Variants in CHRDL1 observed in about 807,000 individuals in gnomAD.
CHRDL1 encodes the protein chordin like 1.
CHRDL1 carries 19 observed loss-of-function variants against 40.9 expected under a neutral mutation model. The ratio of observed to expected loss-of-function variants is 0.46; its 90% CI spans 0.32 to 0.68. The LOEUF is 0.68. CHRDL1 is among the 30% of genes least tolerant of loss of function. CHRDL1 has a pLI of 0.03. For missense variants in CHRDL1, 329 were observed against 352.1 expected (o/e 0.93, Z 0.53); for synonymous variants, 136 against 123.4 (o/e 1.10, Z -0.68).
intron 8 of CHRDL1, among the ~76,000 whole-genome samples, chrX:110,690,119 C>T (rs1289637540): frequency 2.0e-5 from 2 of 98,626 alleles, no homozygotes; most frequent in East Asian, 5.9e-4. Context: ...TATCTCGGCT[C>T]ACTGCAAGCT....
chrX:110,716,917 C>G (rs1379104697), intron 6 of CHRDL1, among the ~76,000 whole-genome samples: 1 of 111,598 alleles, frequency 9.0e-6, no homozygotes, highest in Non-Finnish European at 1.9e-5. Flanking sequence ...ATGAAATGGC[C>G]ACCACTCATT....
At position 110,770,544 on chromosome X, in the gene CHRDL1, T is replaced by C. The variant is rs562959848; in HGVS notation, c.95-7737A>G. Among the ~76,000 whole-genome samples, 28 of 110,714 alleles carry C rather than the reference T, an allele frequency of 2.5e-4. 1 individual carries two copies. In the South Asian group the frequency reaches 0.01, roughly 41 times the overall value. On this transcript the variant is annotated intron_variant, in intron 2 of 11. Coordinates refer to ENST00000372042, the MANE Select transcript of CHRDL1 (RefSeq NM_001143981.2). ...TAGAATAATAAAGAGCAGAAATCAA[T>C]GAAATTGAAGACAGAAAGTCAATAA...
intron 8 of CHRDL1, 132 bp from the exon 9 acceptor site, chrX:110,688,935 TACCGAGTAGTATCTGTG>T: frequency 2.0e-6 from 1 of 491,080 alleles, no homozygotes; most frequent in Non-Finnish European, 3.4e-6. Flanking sequence ...GGGCTATGTT[TACCGAGTAGTATCTGTG>T]ACCAAAAAAC....
At chrX:110,773,510 C>T (rs978403568) in intron 2 of CHRDL1, among the ~76,000 whole-genome samples, 6 of 110,237 alleles carry the variant, frequency 5.4e-5, no homozygotes, top group African/African-American at 1.7e-4. Flanking sequence ...GGGCGAATCA[C>T]GAGTTAAGGA....
chrX:110,712,910 G>C (rs758480999), intron 6 of CHRDL1, among the ~76,000 whole-genome samples: 33 of 111,406 alleles, frequency 3.0e-4, no homozygotes, highest in African/African-American at 1.1e-3. Flanking sequence ...AAAATTCCTA[G>C]ATTAGGGTAT....
intron 2 of CHRDL1, among the ~76,000 whole-genome samples, chrX:110,763,720 C>T (rs1447130650): frequency 2.7e-5 from 3 of 110,915 alleles, no homozygotes; most frequent in African/African-American, 9.8e-5. Flanking sequence ...GTATCTTTTT[C>T]GAATAATGAC....
intron 6 of CHRDL1, among the ~76,000 whole-genome samples, chrX:110,705,304 T>TATATATATATAC (rs1491498596): frequency 2.6e-4 from 20 of 77,591 alleles, no homozygotes; most frequent in African/African-American, 1.1e-3. Context: ...TATATATATA[T>TATATATATATAC]ACACACACAC....
Position 110,694,152 on chromosome X carries a change from A to ATGT in CHRDL1, c.778+10_778+11insACA, listed in dbSNP as rs745404697. The ATGT allele has an allele frequency of 4.8e-5, 57 of 1,187,873 alleles. No homozygotes were observed. The highest frequency in any genetic ancestry group is 6.2e-5 in the Non-Finnish European group (54 of 876,881). On this transcript the variant is annotated intron_variant, in intron 8 of 11. Coordinates refer to ENST00000372042, the MANE Select transcript of CHRDL1 (RefSeq NM_001143981.2). ...TGTTGTGGAAGTATACAAAAGAAGG[A>ATGT]TGCCCCTTACCTTGTCCATGCTTGT...
intron 5 of CHRDL1, among the ~76,000 whole-genome samples, chrX:110,720,497 C>T (rs1305984373): frequency 8.9e-6 from 1 of 112,000 alleles, no homozygotes; most frequent in African/African-American, 3.2e-5. Context: ...AAATTTCTAT[C>T]TTTCAAATGT....
At chrX:110,706,775 T>G (rs941956185) in intron 6 of CHRDL1, among the ~76,000 whole-genome samples, 1 of 112,629 alleles carries the variant, frequency 8.9e-6, no homozygotes, top group African/African-American at 3.2e-5. Flanking sequence ...TTTTATTGCC[T>G]GTTTTTCTGG....
intron 4 of CHRDL1, among the ~76,000 whole-genome samples, chrX:110,757,882 G>A (rs1415307690): frequency 9.1e-5 from 10 of 109,909 alleles, no homozygotes; most frequent in Non-Finnish European, 1.7e-4. Flanking sequence ...CTTGCTTCCT[G>A]TTAGGCAGCT....
At chrX:110,758,916 C>A (rs1023958743) in intron 4 of CHRDL1, among the ~76,000 whole-genome samples, 1 of 111,857 alleles carries the variant, frequency 8.9e-6, no homozygotes, top group Non-Finnish European at 1.9e-5. Flanking sequence ...CTTCACAAAG[C>A]CCAAGAGTGT....
At chrX:110,754,788 G>T (rs2148501356) in intron 4 of CHRDL1, among the ~76,000 whole-genome samples, 1 of 110,259 alleles carries the variant, frequency 9.1e-6, no homozygotes, top group Admixed American at 9.7e-5. Flanking sequence ...TAATAACCCA[G>T]GAATGCTGGA....
intron 2 of CHRDL1, among the ~76,000 whole-genome samples, chrX:110,775,980 T>C (rs1355637204): frequency 1.8e-5 from 2 of 111,590 alleles, no homozygotes; most frequent in Non-Finnish European, 3.8e-5. Flanking sequence ...ACTATACCAC[T>C]GCATGTGTAG....
intron 2 of CHRDL1, 97 bp downstream of exon 2, chrX:110,791,991 G>A (rs1207214958): frequency 2.7e-5 from 13 of 490,110 alleles, no homozygotes; most frequent in Middle Eastern, 5.5e-4. Flanking sequence ...ATAATGGCAC[G>A]GCCACATTTG....
At chrX:110,701,762 C>T (rs945937742) in intron 6 of CHRDL1, among the ~76,000 whole-genome samples, 3 of 110,915 alleles carry the variant, frequency 2.7e-5, no homozygotes, top group Admixed American at 9.6e-5. Flanking sequence ...TGCAGTGAGC[C>T]GAGATGATGC....
At chrX:110,784,599 G>T in intron 2 of CHRDL1, among the ~76,000 whole-genome samples, 1 of 110,899 alleles carries the variant, frequency 9.0e-6, no homozygotes, top group South Asian at 3.9e-4. Context: ...TTTTTAGTAG[G>T]GATGGGGTTT....
chrX:110,720,922 A>G (rs1203560482), intron 5 of CHRDL1, among the ~76,000 whole-genome samples: 3 of 112,060 alleles, frequency 2.7e-5, no homozygotes, highest in Non-Finnish European at 5.6e-5. Context: ...TTCTCATTGC[A>G]GGGCACTAGG....
intron 2 of CHRDL1, among the ~76,000 whole-genome samples, chrX:110,783,086 T>C (rs2089969763): frequency 8.9e-6 from 1 of 112,514 alleles, no homozygotes; most frequent in Admixed American, 9.4e-5. Flanking sequence ...CTGCAATTAC[T>C]GACACTGATA....
Sources: gnomAD v4.1 joint callset for allele counts (sites outside exome capture counted in the v4.1 genomes callset) on GRCh38, gnomAD v4.1.1 for gene constraint, MANE v1.5 for transcripts, NCBI Gene and HGNC (gene_info 2026-07-23, HGNC 2026-07-21) for gene names.